The following EHHADH variants were observed in gnomAD, a reference collection of about 807,000 sequenced individuals.
EHHADH encodes the protein enoyl-CoA hydratase and 3-hydroxyacyl CoA dehydrogenase.
Under a neutral mutation model 64.4 loss-of-function variants are expected in EHHADH, and 48 were observed. The observed-to-expected ratio is 0.75, with a 90% CI of 0.59 to 0.95. The LOEUF is 0.95. Among genes scored for constraint, EHHADH ranks in the 40% least tolerant of loss-of-function variants. The pLI is 0.00. For missense variants in EHHADH, 854 were observed against 876.6 expected (o/e 0.97, Z 0.33); for synonymous variants, 308 against 326.7 (o/e 0.94, Z 0.62).
chr3:185,250,258 A>T (rs1719709783), intron 1 of EHHADH, among the ~76,000 whole-genome samples: 2 of 152,202 alleles, frequency 1.3e-5, no homozygotes, highest in South Asian at 2.1e-4. Flanking sequence ...ATATATGAGG[A>T]AGTCATCTGC....
chr3:185,228,257 A>AAAAAAAGAAATATATAT (rs1367786172), intron 4 of EHHADH, among the ~76,000 whole-genome samples: 1 of 21,994 alleles, frequency 4.5e-5, no homozygotes, highest in Non-Finnish European at 1.1e-4. Context: ...AAAAAAAAAA[A>AAAAAAAGAAATATATAT]ATATATATAT....
At position 185,192,510 on chromosome 3, in the gene EHHADH, C is replaced by A; in HGVS notation, c.1888G>T (p.Glu630Ter). Residue 630 changes from glutamate to a stop codon, truncating the protein, a stop_gained, in exon 7 of 7, where the codon GAA becomes TAA. Transcript: ENST00000231887. LOFTEE classifies it high-confidence loss of function. The part of the protein sequence containing the change: ...LERCLYSLIN[E>*]AFRILGEGIA... ...CCTTCTCCCAAGATACGGAATGCTT[C>A]ATTGATAAGTGAATATAAGCAGCGT... 1 of 1,614,200 alleles carries A rather than the reference C, an allele frequency of 6.2e-7. No homozygotes were observed. Among genetic ancestry groups the A allele is most frequent in the Non-Finnish European group, 8.5e-7 (1 of 1,180,024 alleles).
At chr3:185,217,094 C>T (rs1718700755) in intron 5 of EHHADH, among the ~76,000 whole-genome samples, 1 of 152,056 alleles carries the variant, frequency 6.6e-6, no homozygotes, top group Non-Finnish European at 1.5e-5. Flanking sequence ...GATGTGTGTC[C>T]GCTCCAAATC....
chr3:185,245,490 C>T (rs532748016), intron 2 of EHHADH: 162 of 1,053,166 alleles, frequency 1.5e-4, no homozygotes, highest in Non-Finnish European at 2.0e-4. Flanking sequence ...GCTGTGCTCG[C>T]TTGCCCATGA....
chr3:185,203,416 T>C (rs1379297804), intron 6 of EHHADH, among the ~76,000 whole-genome samples: 6 of 152,182 alleles, frequency 3.9e-5, no homozygotes, highest in Non-Finnish European at 7.3e-5. Context: ...TTGATGCTTT[T>C]AGTAAACTAT....
intron 4 of EHHADH, among the ~76,000 whole-genome samples, chr3:185,223,410 T>C (rs562280142): frequency 1.4e-4 from 21 of 152,168 alleles, no homozygotes; most frequent in Non-Finnish European, 2.6e-4. Context: ...TTGTTTTCTT[T>C]AATGTTTCAG....
chr3:185,218,395 G>A (rs944276533), intron 4 of EHHADH, among the ~76,000 whole-genome samples, 155 bp from the exon 5 acceptor site: 6 of 151,818 alleles, frequency 4.0e-5, no homozygotes, highest in African/African-American at 1.5e-4. Context: ...TGAAAGAATA[G>A]AAAGATCACC....
intron 6 of EHHADH, among the ~76,000 whole-genome samples, chr3:185,200,978 T>G (rs1718206219): frequency 6.6e-6 from 1 of 152,024 alleles, no homozygotes; most frequent in African/African-American, 2.4e-5. Flanking sequence ...AAATGATAAC[T>G]CTTAAAATTA....
intron 1 of EHHADH, among the ~76,000 whole-genome samples, chr3:185,252,835 C>G (rs1261629503): frequency 6.6e-6 from 1 of 151,870 alleles, no homozygotes; most frequent in Non-Finnish European, 1.5e-5. Flanking sequence ...GACCAAAGAC[C>G]TTTCTCTCTA....
intron 5 of EHHADH, among the ~76,000 whole-genome samples, chr3:185,211,007 A>C (rs73050890): frequency 6.6e-6 from 1 of 152,302 alleles, no homozygotes; most frequent in African/African-American, 2.4e-5. Flanking sequence ...GGGCCAAACT[A>C]AGCATACCCA....
intron 4 of EHHADH, among the ~76,000 whole-genome samples, chr3:185,219,389 C>T (rs1263481100): frequency 6.6e-6 from 1 of 152,174 alleles, no homozygotes; most frequent in Non-Finnish European, 1.5e-5. Context: ...TGACACTAAG[C>T]AGCAGCGACA....
intron 6 of EHHADH, among the ~76,000 whole-genome samples, chr3:185,199,992 T>C (rs761149793): frequency 5.3e-5 from 8 of 152,160 alleles, no homozygotes; most frequent in Non-Finnish European, 1.2e-4. Flanking sequence ...ATATTTACCA[T>C]CCGGAACTTT....
At chr3:185,248,575 G>T in intron 1 of EHHADH, 58 bp from the exon 2 acceptor site, 1 of 1,315,346 alleles carries the variant, frequency 7.6e-7, no homozygotes, top group Non-Finnish European at 1.1e-6. Context: ...CTACCATTCA[G>T]AGTGTTTTCC....
rs377719300 is a variant in EHHADH, at chr3:185,229,456, C to A, written c.439G>T (p.Ala147Ser). Residue 147 changes from alanine to serine, a missense_variant, in exon 4 of 7, where the codon GCT becomes TCT. Ala to Ser is a moderately conservative substitution (Grantham distance 99). Coordinates refer to ENST00000231887, the MANE Select transcript of EHHADH (RefSeq NM_001966.4). ...QLLPRLTGVP[A>S]ALDLITSGRR... ...CCTGAGGTAATTAAGTCAAGTGCAG[C>A]AGGAACTCCAGTGAGTCTGGGGAGA... 1 of 1,561,262 alleles carries A rather than the reference C, an allele frequency of 6.4e-7. No individual in the cohort carries two copies. The highest frequency in any genetic ancestry group is 8.7e-7 in the Non-Finnish European group (1 of 1,148,732).
At chr3:185,236,287 C>A (rs903371158) in intron 2 of EHHADH, among the ~76,000 whole-genome samples, 1 of 152,068 alleles carries the variant, frequency 6.6e-6, no homozygotes, top group Non-Finnish European at 1.5e-5. Flanking sequence ...AGTGAGGGAT[C>A]TAGGTTGCGC....
At chr3:185,214,268 A>C (rs1718626900) in intron 5 of EHHADH, among the ~76,000 whole-genome samples, 1 of 152,254 alleles carries the variant, frequency 6.6e-6, no homozygotes, top group East Asian at 1.9e-4. Context: ...ACAAATAACT[A>C]AGCACCCAAC....
intron 1 of EHHADH, among the ~76,000 whole-genome samples, chr3:185,249,470 T>C (rs1470869309): frequency 6.6e-6 from 1 of 152,238 alleles, no homozygotes; most frequent in Non-Finnish European, 1.5e-5. Context: ...TTTCAAACTG[T>C]GATCCCCACG....
intron 6 of EHHADH, among the ~76,000 whole-genome samples, chr3:185,199,799 A>G (rs977152348): frequency 1.3e-5 from 2 of 152,126 alleles, no homozygotes; most frequent in Non-Finnish European, 2.9e-5. Flanking sequence ...AGGATGGAGT[A>G]CAGTGGTGGC....
intron 3 of EHHADH, among the ~76,000 whole-genome samples, chr3:185,233,043 A>T (rs1719180342): frequency 6.6e-6 from 1 of 152,242 alleles, no homozygotes. Context: ...AAGAACACTG[A>T]TAAAGAGTAA....
Sources: allele counts gnomAD v4.1 joint callset (sites outside exome capture counted in the v4.1 genomes callset), GRCh38; gene constraint gnomAD v4.1.1; transcripts MANE v1.5; gene names NCBI Gene and HGNC (gene_info 2026-07-23, HGNC 2026-07-21).